The following TMEM132B variants were observed in gnomAD, a reference collection of about 807,000 sequenced individuals.
The protein encoded by TMEM132B is transmembrane protein 132B.
A neutral mutation model predicts 90.8 loss-of-function variants in TMEM132B; 18 were observed. The ratio of observed to expected loss-of-function variants is 0.20; its 90% CI spans 0.14 to 0.29. The LOEUF (loss-of-function observed/expected upper bound fraction) is 0.29. Among genes scored for constraint, TMEM132B ranks in the 10% least tolerant of loss-of-function variants. The probability of loss-of-function intolerance (pLI) is 1.00; values close to 1 mark genes in which losing one functional copy is unlikely to be tolerated. For synonymous variants in TMEM132B, 504 were observed against 523.3 expected (o/e 0.96, Z 0.50); for missense variants, 1,096 against 1,326.8 (o/e 0.83, Z 2.70).
intron 4 of TMEM132B, among the ~76,000 whole-genome samples, chr12:125,533,048 C>T (rs988229905): frequency 1.3e-5 from 2 of 152,174 alleles, no homozygotes; most frequent in African/African-American, 4.8e-5. Context: ...CCCTTCTCCA[C>T]AGCTGGGGAG....
In TMEM132B at chr12:125,246,240, G is replaced by A. The variant is rs1370459272; in HGVS notation, c.67+59374G>A. Among the ~76,000 whole-genome samples, 3 of 152,222 alleles carry A rather than the reference G, an allele frequency of 2.0e-5. No homozygotes were observed. The highest frequency in any genetic ancestry group is 4.4e-5 in the Non-Finnish European group (3 of 68,042). On this transcript the variant is annotated intron_variant, in intron 1 of 8. Coordinates refer to ENST00000682704, the MANE Select transcript of TMEM132B (RefSeq NM_001366854.1). This position sits in a 1 kb window ranked among gnomAD's most constrained non-coding sequence, Gnocchi z 4.2. ...CAAGCCTGTTAGATCATAAAAACCA[G>A]CATTGCTGTCAGTGTGAGCTTAGCT...
intron 4 of TMEM132B, among the ~76,000 whole-genome samples, chr12:125,579,471 C>G (rs1408896122): frequency 6.6e-6 from 1 of 151,696 alleles, no homozygotes; most frequent in African/African-American, 2.4e-5. Context: ...AAGCAATTCT[C>G]CTGCCTTAGC....
At chr12:125,210,310 C>T (rs1873291159) in intron 1 of TMEM132B, among the ~76,000 whole-genome samples, 2 of 152,060 alleles carry the variant, frequency 1.3e-5, no homozygotes, top group Non-Finnish European at 2.9e-5. Flanking sequence ...TGCAAAGGTC[C>T]TGGGGCAGAA....
In TMEM132B at chr12:125,408,078, G is replaced by A. The variant is rs553800237; in HGVS notation, c.960-7453G>A. Among the ~76,000 whole-genome samples the A allele has an allele frequency of 1.3e-5, 2 of 152,278 alleles. No individual in the cohort carries two copies. The highest frequency in any genetic ancestry group is 6.5e-5 in the Admixed American group (1 of 15,288). ...CGGCCACTGTGCAGGCTTTCACCTC[G>A]GAGATCTGTGTGCCTGCTTCTGACT... is the stretch of plus-strand genomic sequence containing the variant. On this transcript the variant is annotated intron_variant, in intron 2 of 8. Coordinates refer to ENST00000682704, the MANE Select transcript of TMEM132B (RefSeq NM_001366854.1). This position sits in a 1 kb window ranked among gnomAD's most constrained non-coding sequence, Gnocchi z 5.9.
At chr12:125,221,720 A>C (rs1188069968) in intron 1 of TMEM132B, among the ~76,000 whole-genome samples, 2 of 152,216 alleles carry the variant, frequency 1.3e-5, no homozygotes, top group African/African-American at 4.8e-5. Context: ...CAGAGGGTGT[A>C]ATTCATCCCT....
At chr12:125,309,070 T>C (rs1565998527) in intron 1 of TMEM132B, among the ~76,000 whole-genome samples, 1 of 152,224 alleles carries the variant, frequency 6.6e-6, no homozygotes, top group African/African-American at 2.4e-5. Context: ...TTCCATCATG[T>C]CATGATTTAT....
At position 125,517,488 on chromosome 12, in the gene TMEM132B, G is replaced by A. The variant is rs115867938; in HGVS notation, c.1107-1951G>A. ...ATTACAGGCGTGAGCCACCACGCCC[G>A]GCCCAACACATATTTTCTTGCAAAA... is the stretch of plus-strand genomic sequence containing the variant. On this transcript the variant is annotated intron_variant, in intron 3 of 8. Transcript: ENST00000682704. Among the ~76,000 whole-genome samples the A allele has an allele frequency of 6.1e-3, 932 of 151,824 alleles. 17 individuals carry two copies. The highest frequency in any genetic ancestry group is 0.021 in the African/African-American group (863 of 41,426).
At chr12:125,589,234 G>A (rs1159763960) in intron 5 of TMEM132B, among the ~76,000 whole-genome samples, 1 of 152,148 alleles carries the variant, frequency 6.6e-6, no homozygotes, top group Non-Finnish European at 1.5e-5. Flanking sequence ...TGTAATCCCA[G>A]CACTTTGGGA....
intron 4 of TMEM132B, among the ~76,000 whole-genome samples, chr12:125,538,866 G>C (rs999130749): frequency 6.6e-6 from 1 of 152,112 alleles, no homozygotes; most frequent in African/African-American, 2.4e-5. Flanking sequence ...GAGTTACCCC[G>C]GATGCCTCTC....
At chr12:125,309,756 T>C (rs1340580547) in intron 1 of TMEM132B, among the ~76,000 whole-genome samples, 1 of 152,218 alleles carries the variant, frequency 6.6e-6, no homozygotes, top group African/African-American at 2.4e-5. Flanking sequence ...TGTGTTCTTA[T>C]GATCAATTGC....
chr12:125,500,681 T>C (rs1386920067), intron 3 of TMEM132B, among the ~76,000 whole-genome samples: 2 of 152,192 alleles, frequency 1.3e-5, no homozygotes, highest in Non-Finnish European at 2.9e-5. Flanking sequence ...AGAAAAATAC[T>C]GGGTACTATC....
intron 1 of TMEM132B, among the ~76,000 whole-genome samples, chr12:125,293,733 A>C (rs912764544): frequency 3.9e-5 from 6 of 152,128 alleles, no homozygotes; most frequent in Non-Finnish European, 8.8e-5. Flanking sequence ...TGTATTTGCT[A>C]TTGTGAATAG....
chr12:125,377,006 A>G (rs1878514004), intron 2 of TMEM132B, among the ~76,000 whole-genome samples: 1 of 152,190 alleles, frequency 6.6e-6, no homozygotes, highest in Non-Finnish European at 1.5e-5. Flanking sequence ...GGGACAGGGC[A>G]GGCTGGTAAA....
chr12:125,593,468 C>G (rs183418471), intron 5 of TMEM132B, among the ~76,000 whole-genome samples: 2 of 152,300 alleles, frequency 1.3e-5, no homozygotes, highest in African/African-American at 4.8e-5. Context: ...CATGTGCTTC[C>G]TTCTCTTCTC....
At chr12:125,228,733 T>A (rs1253156888) in intron 1 of TMEM132B, among the ~76,000 whole-genome samples, 1 of 152,188 alleles carries the variant, frequency 6.6e-6, no homozygotes, top group Non-Finnish European at 1.5e-5. Flanking sequence ...TGTTGGCTGC[T>A]AGAATAACAT....
intron 3 of TMEM132B, among the ~76,000 whole-genome samples, chr12:125,450,336 A>G (rs1881116020): frequency 6.6e-6 from 1 of 152,240 alleles, no homozygotes; most frequent in African/African-American, 2.4e-5. Context: ...TGATGATGGC[A>G]TGTCTTAATT....
intron 1 of TMEM132B, among the ~76,000 whole-genome samples, chr12:125,199,769 A>T (rs1873013966): frequency 6.6e-6 from 1 of 152,156 alleles, no homozygotes; most frequent in African/African-American, 2.4e-5. Flanking sequence ...CTACAGGTGC[A>T]GCCATCTCAT....
chr12:125,520,026 C>T lies in TMEM132B; in HGVS notation c.1293+401C>T, dbSNP rs142511132. Among the ~76,000 whole-genome samples, 10 of 152,238 alleles carry T rather than the reference C, an allele frequency of 6.6e-5. No individual in the cohort carries two copies. In the East Asian group the frequency reaches 1.9e-3, roughly 29 times the overall value. ...CTTTGCCCTTAAGTCTCCCAGGTAA[C>T]TTATGGATTGGAAAACTCTAAAATG... On this transcript the variant is annotated intron_variant, in intron 4 of 8. Transcript: ENST00000682704.
chr12:125,503,769 A>T (rs1024090097), intron 3 of TMEM132B, among the ~76,000 whole-genome samples: 1 of 152,310 alleles, frequency 6.6e-6, no homozygotes, highest in East Asian at 1.9e-4. Context: ...ACTATAATTG[A>T]TGTATCAGTC....
Sources: gnomAD v4.1 joint callset for allele counts (sites outside exome capture counted in the v4.1 genomes callset) on GRCh38, gnomAD v4.1.1 for gene constraint, Gnocchi (gnomAD v3.1) non-coding constraint, MANE v1.5 for transcripts, NCBI Gene and HGNC (gene_info 2026-07-23, HGNC 2026-07-21) for gene names.